Variants in KRT39 observed in about 807,000 individuals in gnomAD.
KRT39 encodes keratin 39.
A neutral mutation model predicts 54.8 loss-of-function variants in KRT39; 47 were observed. That is an observed-to-expected ratio of 0.86 (90% CI 0.68 to 1.09). KRT39 has a LOEUF of 1.09. Among genes scored for constraint, KRT39 ranks in the 50% least tolerant of loss-of-function variants. The pLI is 0.00. For synonymous variants in KRT39, 207 were observed against 227.9 expected (o/e 0.91, Z 0.83); for missense variants, 580 against 598.5 (o/e 0.97, Z 0.32).
chr17:40,966,688 G>T lies in KRT39; in HGVS notation c.169C>A (p.Gln57Lys). 6.2e-7 allele frequency: 1 copy of T among 1,614,176 alleles called. No homozygotes were observed. The highest frequency in any genetic ancestry group is 8.5e-7 in the Non-Finnish European group (1 of 1,180,026). The change falls in exon 1 of 7, where the codon CAG becomes AAG. Residue 57 changes from glutamine to lysine, a missense_variant. By Grantham distance (53) the Gln-to-Lys change is moderately conservative (BLOSUM62 1). Transcript: ENST00000355612. Reference protein sequence around the residue: ...AGHVLRIPWDQGCQPTPRFCR... With the variant: ...AGHVLRIPWDKGCQPTPRFCR... ...AAGCGAGGAGTGGGTTGGCAGCCCT[G>T]GTCCCAGGGAATTCTGAGAACGTGG...
Position 40,966,415 on chromosome 17 carries a change from T to G in KRT39, c.442A>C (p.Thr148Pro). The G allele has an allele frequency of 6.2e-7, 1 of 1,613,516 alleles. No individual in the cohort carries two copies. The highest frequency in any genetic ancestry group is 8.5e-7 in the Non-Finnish European group (1 of 1,179,458). ...TTCTGCTGGAGCTCCTCAATGGTAG[T>G]GTAGTAAGACAGGTAATCAGGACAT... The part of the protein sequence containing the change: ...VLCPDYLSYY[T>P]TIEELQQKIL... The change falls in exon 1 of 7, where the codon ACT (threonine) becomes CCT (proline). Residue 148 changes from threonine (T) to proline (P), a missense_variant. Transcript: ENST00000355612.
At chr17:40,965,937 C>CAGTG (rs1050459707) in intron 1 of KRT39, among the ~76,000 whole-genome samples, 56 of 152,268 alleles carry the variant, frequency 3.7e-4, no homozygotes, top group African/African-American at 1.3e-3. Context: ...GGCTGGAGTG[C>CAGTG]AGTGGCAGGA....
rs112120285 is a variant in KRT39, at chr17:40,960,326, C to G, written c.1172G>C (p.Cys391Ser). ...ILLDVKSRLE[C>S]EITTYRSLLE... ...AAGGCTGCGGTATGTGGTAATCTCA[C>G]ATTCCAGCCGGGACTTGACGTCCAG... is the stretch of plus-strand genomic sequence containing the variant. The change falls in exon 6 of 7, where the codon TGT (cysteine) becomes TCT (serine). Residue 391 changes from cysteine to serine, a missense_variant. Physicochemically the swap from Cys to Ser is moderately radical, Grantham distance 112 (BLOSUM62 -1). Coordinates refer to ENST00000355612, the MANE Select transcript of KRT39 (RefSeq NM_213656.4). The G allele has an allele frequency of 3.3e-4, 539 of 1,613,936 alleles. 1 individual carries two copies. In the African/African-American group the frequency reaches 6.1e-3, roughly 18 times the overall value.
rs1911089345 is a variant in KRT39, at chr17:40,960,315, T to C, written c.1183A>G (p.Thr395Ala). ...GAGCTCTCCAGAAGGCTGCGGTATG[T>C]GGTAATCTCACATTCCAGCCGGGAC... ...VKSRLECEIT[T>A]YRSLLESSDG... The change falls in exon 6 of 7, where the codon ACA (threonine) becomes GCA (alanine). Residue 395 changes from threonine to alanine, a missense_variant. Thr to Ala is a moderately conservative substitution (Grantham distance 58). Transcript: ENST00000355612. 6.2e-7 allele frequency: 1 copy of C among 1,613,628 alleles called. No homozygotes were observed. The highest frequency in any genetic ancestry group is 1.3e-5 in the African/African-American group (1 of 74,904).
At chr17:40,962,136 C>A in intron 5 of KRT39, 26 bp downstream of exon 5, 2 of 1,611,922 alleles carry the variant, frequency 1.2e-6, no homozygotes, top group Non-Finnish European at 1.7e-6. Flanking sequence ...CTTTGCTGAG[C>A]TAGGCTTGGT....
Position 40,958,856 on chromosome 17 carries a change from ACGCCT to A in KRT39, c.1218-2_1220del, listed in dbSNP as rs1389430557. On this transcript the variant is annotated splice_acceptor_variant and coding_sequence_variant, in exon 7 of 7. Coordinates refer to ENST00000355612, the MANE Select transcript of KRT39 (RefSeq NM_213656.4). LOFTEE classifies it high-confidence loss of function. ...ATTTGGTGGCACGTGGGTAACAGGG[ACGCCT>A]AAGGAAAAAAAACACAATTTTAGCT... The A allele has an allele frequency of 4.4e-6, 7 of 1,576,064 alleles. No homozygotes were observed. In the Admixed American group the frequency reaches 7.5e-5, roughly 17 times the overall value.
In KRT39 at chr17:40,962,213, C is replaced by G. The variant is rs1248910397; in HGVS notation, c.945G>C (p.Leu315=). ...QQCCQKEIIE[L]RRSVNTLEVE... is the part of the protein sequence containing the mutation. ...CCTCCAGAGTGTTCACACTGCGTCT[C>G]AGTTCTATGATCTCCTTTTGGCAGC... Residue 315 remains leucine (L), a synonymous_variant, in exon 5 of 7, where the codon CTG becomes CTC. Coordinates refer to ENST00000355612, the MANE Select transcript of KRT39 (RefSeq NM_213656.4). 6.2e-7 allele frequency: 1 copy of G among 1,614,242 alleles called. No homozygotes were observed. Among genetic ancestry groups the G allele is most frequent in the Non-Finnish European group, 8.5e-7 (1 of 1,180,028 alleles).
chr17:40,959,713 A>T (rs1014374664), intron 6 of KRT39, among the ~76,000 whole-genome samples: 2 of 152,246 alleles, frequency 1.3e-5, no homozygotes, highest in Non-Finnish European at 2.9e-5. Flanking sequence ...CTCATCCTCC[A>T]TATATGTTTA....
rs1251803657 is a variant in KRT39 at position 40,958,758 on chromosome 17, G to T, written c.1319C>A (p.Ser440Tyr). Reference sequence around the variant, plus strand: ...GCAGTGCTCCTTTAAGCTGCAGGGGGATGAGGATGTGCAAGCTGGGGCCGT... The same window carrying T: ...GCAGTGCTCCTTTAAGCTGCAGGGGTATGAGGATGTGCAAGCTGGGGCCGT... ...ESTAPACTSS[S>Y]PCSLKEHCSA... The change falls in exon 7 of 7, where the codon TCC becomes TAC. Residue 440 changes from serine to tyrosine, a missense_variant. Coordinates refer to ENST00000355612, the MANE Select transcript of KRT39 (RefSeq NM_213656.4). 2 of 1,614,050 alleles carry T rather than the reference G, an allele frequency of 1.2e-6. No homozygotes were observed. The highest frequency in any genetic ancestry group is 2.2e-5 in the East Asian group (1 of 44,862).
rs1322317120 is a variant in KRT39 at position 40,960,438 on chromosome 17, T to A, written c.1060A>T (p.Ile354Phe). 5 of 1,613,938 alleles carry A rather than the reference T, an allele frequency of 3.1e-6. No homozygotes were observed. The African/African-American group carries it at 6.7e-5, about 22-fold the overall frequency. ...TCCAGGTTATCAATCAGACTCTGGA[T>A]CTGGGTCAGCAAGGCCGTGTAGCGA... ...EARYTALLTQ[I>F]QSLIDNLEAQ... The change falls in exon 6 of 7, where the codon ATC becomes TTC. Residue 354 changes from isoleucine (I) to phenylalanine (F), a missense_variant. By Grantham distance (21) the Ile-to-Phe change is conservative (BLOSUM62 0). Transcript: ENST00000355612.
Position 40,962,496 on chromosome 17 carries a change from G to C in KRT39, c.776C>G (p.Ala259Gly). The C allele has an allele frequency of 6.2e-7, 1 of 1,614,168 alleles. No individual in the cohort carries two copies. The change falls in exon 4 of 7, where the codon GCT (alanine) becomes GGT (glycine). Residue 259 changes from alanine (A) to glycine (G), a missense_variant. Coordinates refer to ENST00000355612, the MANE Select transcript of KRT39 (RefSeq NM_213656.4). ...LDIEVTAAPS[A>G]DLNQVLQEMR... Reference sequence around the variant, plus strand: ...TTCTTGTAGAACCTGGTTTAGGTCAGCAGAAGGGGCAGCAGTCACTTCAAT... The same window carrying C: ...TTCTTGTAGAACCTGGTTTAGGTCACCAGAAGGGGCAGCAGTCACTTCAAT...
At position 40,964,435 on chromosome 17, in the gene KRT39, G is replaced by A. The variant is rs1911278212; in HGVS notation, c.551+11C>T. 4.3e-6 allele frequency: 7 copies of A among 1,613,010 alleles called. No homozygotes were observed. The highest frequency in any genetic ancestry group is 1.3e-5 in the African/African-American group (1 of 74,888). ...AGCTCTGTCATTGATGACGGTGTTGGGTGGGCTTACTTGGCTCTCAAGTCA... is the reference window on the plus strand; with the variant it reads ...AGCTCTGTCATTGATGACGGTGTTGAGTGGGCTTACTTGGCTCTCAAGTCA... On this transcript the variant is annotated intron_variant, in intron 2 of 6. Coordinates refer to ENST00000355612, the MANE Select transcript of KRT39 (RefSeq NM_213656.4).
rs1411554523 is a variant in KRT39, at chr17:40,958,715, C to G, written c.1362G>C (p.Leu454=). Residue 454 remains leucine (L), a synonymous_variant, in exon 7 of 7, where the codon CTG becomes CTC. Coordinates refer to ENST00000355612, the MANE Select transcript of KRT39 (RefSeq NM_213656.4). ...LKEHCSACGP[L]SRILVKICTI... is the part of the protein sequence containing the mutation. ...TGCAAATTTTAACCAGTATCCGGGACAGGGGTCCGCAGGCACTGCAGTGCT... is the reference window on the plus strand; with the variant it reads ...TGCAAATTTTAACCAGTATCCGGGAGAGGGGTCCGCAGGCACTGCAGTGCT... 2 of 1,613,950 alleles carry G rather than the reference C, an allele frequency of 1.2e-6. No individual in the cohort carries two copies. The highest frequency in any genetic ancestry group is 1.7e-5 in the Admixed American group (1 of 59,996).
chr17:40,965,450 G>A (rs1238581535), intron 1 of KRT39, among the ~76,000 whole-genome samples: 1 of 151,942 alleles, frequency 6.6e-6, no homozygotes, highest in East Asian at 1.9e-4. Context: ...TGATCCACTA[G>A]AATGTCAACT....
chr17:40,958,885 C>A, intron 6 of KRT39, 26 bp from the exon 7 acceptor site: 1 of 1,550,124 alleles, frequency 6.5e-7, no homozygotes, highest in Non-Finnish European at 8.7e-7. Context: ...ACAATTTTAG[C>A]TGTGATTGAG....
intron 2 of KRT39, 149 bp downstream of exon 2, chr17:40,964,297 C>T: frequency 2.9e-6 from 2 of 694,708 alleles, no homozygotes; most frequent in South Asian, 3.4e-5. Flanking sequence ...TAATCTTAAT[C>T]ATTCATTGAA....
chr17:40,959,552 A>G (rs11868927), intron 6 of KRT39, among the ~76,000 whole-genome samples: 2,808 of 152,336 alleles, frequency 0.018, 79 homozygotes, highest in African/African-American at 0.064. Flanking sequence ...TAAAGGTGAC[A>G]GCATTGATGA....
chr17:40,964,979 G>A (rs577338637), intron 1 of KRT39, among the ~76,000 whole-genome samples: 2 of 151,972 alleles, frequency 1.3e-5, no homozygotes, highest in East Asian at 3.9e-4. Flanking sequence ...GGTAGATCAC[G>A]AGGTCAGGAG....
At position 40,960,485 on chromosome 17, in the gene KRT39, C is replaced by A; in HGVS notation, c.1013G>T (p.Cys338Phe). Residue 338 changes from cysteine (C) to phenylalanine (F), a missense_variant, in exon 6 of 7, where the codon TGC becomes TTC. Coordinates refer to ENST00000355612, the MANE Select transcript of KRT39 (RefSeq NM_213656.4). ...GCGAGCCTCTGTCTCCGTTAGGATGCACTCTTGGGAATCTCTCTACCATGG... is the reference window on the plus strand; with the variant it reads ...GCGAGCCTCTGTCTCCGTTAGGATGAACTCTTGGGAATCTCTCTACCATGG... The part of the protein sequence containing the change: ...AQHRMRDSQE[C>F]ILTETEARYT... 1 of 1,613,746 alleles carries A rather than the reference C, an allele frequency of 6.2e-7. No homozygotes were observed. Among genetic ancestry groups the A allele is most frequent in the Non-Finnish European group, 8.5e-7 (1 of 1,179,696 alleles).
Sources: gnomAD v4.1 joint callset for allele counts (sites outside exome capture counted in the v4.1 genomes callset) on GRCh38, gnomAD v4.1.1 for gene constraint, MANE v1.5 for transcripts, NCBI Gene and HGNC (gene_info 2026-07-23, HGNC 2026-07-21) for gene names.